WDR76: variants seen among roughly 807,000 people sequenced by gnomAD.
WDR76 encodes the protein WD repeat domain 76.
Under a neutral mutation model 70.2 loss-of-function variants are expected in WDR76, and 52 were observed. The observed-to-expected ratio is 0.74, with a 90% CI of 0.59 to 0.93. The LOEUF (loss-of-function observed/expected upper bound fraction) is 0.93, where lower values mean the gene tolerates loss of function less well. Ranked by LOEUF, WDR76 falls within the 40% of genes least tolerant of loss-of-function variation. The pLI is 0.00. For synonymous variants in WDR76, 292 were observed against 271.1 expected (o/e 1.08, Z -0.76); for missense variants, 756 against 760.2 (o/e 0.99, Z 0.07).
intron 9 of WDR76, among the ~76,000 whole-genome samples, 166 bp from the exon 10 acceptor site, chr15:43,856,780 C>T (rs2087933126): frequency 6.6e-6 from 1 of 151,964 alleles, no homozygotes; most frequent in Admixed American, 6.6e-5. Flanking sequence ...ACCCCAAATA[C>T]CCTGACTGTG....
At chr15:43,843,250 G>C (rs1324503488) in intron 7 of WDR76, among the ~76,000 whole-genome samples, 1 of 151,874 alleles carries the variant, frequency 6.6e-6, no homozygotes. Context: ...TGAATACCTG[G>C]GCTCAAGTGA....
At chr15:43,848,942 T>C (rs1224648228) in intron 8 of WDR76, among the ~76,000 whole-genome samples, 1 of 150,940 alleles carries the variant, frequency 6.6e-6, no homozygotes, top group Non-Finnish European at 1.5e-5. Flanking sequence ...TTTTTTTTTT[T>C]TTTTTTGAGG....
At chr15:43,851,372 C>CT in intron 9 of WDR76, 127 bp downstream of exon 9, 1 of 1,297,838 alleles carries the variant, frequency 7.7e-7, no homozygotes, top group Non-Finnish European at 1.1e-6. Flanking sequence ...ACTACGCTGC[C>CT]TAAGTTCAAA....
chr15:43,842,082 G>T (rs1384006299), intron 5 of WDR76, among the ~76,000 whole-genome samples: 1 of 152,094 alleles, frequency 6.6e-6, no homozygotes, highest in Non-Finnish European at 1.5e-5. Context: ...TGGCCAGGCT[G>T]GTCTCGAACT....
chr15:43,848,259 A>G (rs1208353217), intron 8 of WDR76, among the ~76,000 whole-genome samples: 1 of 152,072 alleles, frequency 6.6e-6, no homozygotes, highest in Non-Finnish European at 1.5e-5. Flanking sequence ...AAAAAAATTC[A>G]CTTACTGCAA....
intron 10 of WDR76, chr15:43,857,449 C>T (rs2087942247): frequency 2.0e-6 from 2 of 984,822 alleles, no homozygotes; most frequent in Non-Finnish European, 2.4e-6. Context: ...TTAAATTTCA[C>T]AGAAAAAAAA....
At chr15:43,830,954 A>T (rs2141721294) in intron 2 of WDR76, among the ~76,000 whole-genome samples, 1 of 152,188 alleles carries the variant, frequency 6.6e-6, no homozygotes, top group Admixed American at 6.5e-5. Context: ...AGGCTGAGTC[A>T]GGATAATTGC....
intron 4 of WDR76, among the ~76,000 whole-genome samples, chr15:43,839,153 T>G (rs2087692182): frequency 6.6e-6 from 1 of 152,242 alleles, no homozygotes; most frequent in African/African-American, 2.4e-5. Flanking sequence ...TGAAACGTTT[T>G]AAGTTTCCTT....
intron 4 of WDR76, among the ~76,000 whole-genome samples, chr15:43,836,605 C>A (rs1424266199): frequency 6.6e-6 from 1 of 152,180 alleles, no homozygotes; most frequent in Non-Finnish European, 1.5e-5. Flanking sequence ...AAGGAATTAA[C>A]ATTTATTGAA....
Position 43,866,454 on chromosome 15 carries a change from G to A in WDR76, c.*62G>A, listed in dbSNP as rs900468624. The A allele has an allele frequency of 3.2e-6, 5 of 1,580,982 alleles. No individual in the cohort carries two copies. Among genetic ancestry groups the A allele is most frequent in the Admixed American group, 1.7e-5 (1 of 58,354 alleles). On this transcript the variant is annotated 3_prime_UTR_variant, in exon 13 of 13. Coordinates refer to ENST00000263795, the MANE Select transcript of WDR76 (RefSeq NM_024908.4). Reference sequence around the variant, plus strand: ...CCACTGTCTAAGGAGCCTAGTAATCGGCGTGCCTTAGTGTGTTTATGTGGT... The same window carrying A: ...CCACTGTCTAAGGAGCCTAGTAATCAGCGTGCCTTAGTGTGTTTATGTGGT...
At chr15:43,851,377 T>G in intron 9 of WDR76, 132 bp downstream of exon 9, 1 of 1,247,752 alleles carries the variant, frequency 8.0e-7, no homozygotes, top group South Asian at 1.5e-5. Context: ...GCTGCCTAAG[T>G]TCAAATCCCA....
chr15:43,845,153 G>C (rs949279395), intron 8 of WDR76, among the ~76,000 whole-genome samples: 1 of 148,036 alleles, frequency 6.8e-6, no homozygotes, highest in African/African-American at 2.4e-5. Flanking sequence ...AGTAGAGGTG[G>C]GGTTTCCCCA....
intron 9 of WDR76, among the ~76,000 whole-genome samples, chr15:43,851,939 G>A (rs1484333364): frequency 6.6e-6 from 1 of 152,156 alleles, no homozygotes; most frequent in Non-Finnish European, 1.5e-5. Flanking sequence ...GCATGTGCCT[G>A]TAGTCACAGC....
intron 5 of WDR76, among the ~76,000 whole-genome samples, chr15:43,840,441 T>C (rs1469707342): frequency 6.6e-6 from 1 of 152,206 alleles, no homozygotes; most frequent in African/African-American, 2.4e-5. Flanking sequence ...AATATAGTTA[T>C]TAATGTTAAT....
chr15:43,846,312 G>A (rs1317890359), intron 8 of WDR76, among the ~76,000 whole-genome samples: 1 of 147,918 alleles, frequency 6.8e-6, no homozygotes, highest in Non-Finnish European at 1.5e-5. Context: ...CTGAGATACG[G>A]TCCCACTCTG....
At chr15:43,858,521 C>T (rs2087958708) in intron 10 of WDR76, 150 bp from the exon 11 acceptor site, 5 of 969,152 alleles carry the variant, frequency 5.2e-6, no homozygotes, top group Admixed American at 3.0e-5. Flanking sequence ...GCTGGGATTA[C>T]AGACTTGAGC....
intron 10 of WDR76, chr15:43,857,527 A>G: frequency 3.0e-6 from 3 of 985,422 alleles, no homozygotes; most frequent in Non-Finnish European, 3.6e-6. Flanking sequence ...AAAACCAACT[A>G]GAAACTTGAC....
At chr15:43,840,548 A>G (rs1176464607) in intron 5 of WDR76, among the ~76,000 whole-genome samples, 1 of 152,206 alleles carries the variant, frequency 6.6e-6, no homozygotes, top group African/African-American at 2.4e-5. Flanking sequence ...TTAATACTTT[A>G]TATGTAAGTG....
intron 2 of WDR76, 32 bp from the exon 3 acceptor site, chr15:43,835,029 A>G: frequency 9.5e-6 from 15 of 1,577,110 alleles, no homozygotes; most frequent in Non-Finnish European, 1.3e-5. Context: ...GATTATATAA[A>G]GTAATGGAAT....
Sources: allele counts gnomAD v4.1 joint callset (sites outside exome capture counted in the v4.1 genomes callset), GRCh38; gene constraint gnomAD v4.1.1; transcripts MANE v1.5; gene names NCBI Gene and HGNC (gene_info 2026-07-23, HGNC 2026-07-21).